The following TTYH2 variants were observed in gnomAD, a reference collection of about 807,000 sequenced individuals.
TTYH2 encodes the protein tweety family member 2.
In TTYH2, 49 loss-of-function variants were observed where a neutral mutation model predicts 68.3. The observed-to-expected ratio is 0.72, with a 90% CI of 0.57 to 0.91. The LOEUF (loss-of-function observed/expected upper bound fraction) is 0.91. TTYH2 is among the 40% of genes least tolerant of loss of function. The pLI is 0.00. For missense variants in TTYH2, 631 were observed against 700.4 expected, an observed-to-expected ratio of 0.90 and a Z score of 1.12; for synonymous variants, 272 against 300.8, an observed-to-expected ratio of 0.90 and a Z score of 0.99.
intron 13 of TTYH2, among the ~76,000 whole-genome samples, chr17:74,259,139 C>T (rs2050721958): frequency 6.6e-6 from 1 of 152,176 alleles, no homozygotes; most frequent in Non-Finnish European, 1.5e-5. Context: ...AACTTGAATG[C>T]ACACTGGAAT....
chr17:74,238,657 G>A (rs1448503651), intron 4 of TTYH2, among the ~76,000 whole-genome samples: 10 of 151,952 alleles, frequency 6.6e-5, no homozygotes, highest in African/African-American at 2.4e-4. Context: ...GCCTGAGGTC[G>A]GGAGTCCGAG....
chr17:74,235,955 A>T (rs1264565415), intron 3 of TTYH2, among the ~76,000 whole-genome samples: 4 of 151,970 alleles, frequency 2.6e-5, no homozygotes, highest in Non-Finnish European at 5.9e-5. Flanking sequence ...CTACTCTGGC[A>T]CACTGCCTAG....
intron 4 of TTYH2, among the ~76,000 whole-genome samples, chr17:74,237,890 C>T (rs2050460118): frequency 1.3e-5 from 2 of 152,228 alleles, no homozygotes; most frequent in Non-Finnish European, 1.5e-5. Context: ...GCCTCAGCCT[C>T]CCAAAGTGCT....
intron 11 of TTYH2, 110 bp from the exon 12 acceptor site, chr17:74,252,971 C>T (rs113363929): frequency 2.6e-5 from 30 of 1,155,894 alleles, no homozygotes; most frequent in Middle Eastern, 3.9e-4. Context: ...CAAGGAGACA[C>T]GCGTGGCCAG....
In TTYH2 at chr17:74,250,280, A is replaced by G. The variant is rs758260713; in HGVS notation, c.1039A>G (p.Ile347Val). The G allele has an allele frequency of 1.2e-6, 2 of 1,613,420 alleles. No individual in the cohort carries two copies. Among genetic ancestry groups the G allele is most frequent in the Non-Finnish European group, 1.7e-6 (2 of 1,179,696 alleles). The change falls in exon 10 of 14, where the codon ATC (isoleucine) becomes GTC (valine). Residue 347 changes from isoleucine (I) to valine (V), a missense_variant. By Grantham distance (29) the Ile-to-Val change is conservative. Transcript: ENST00000269346. Reference sequence around the variant, plus strand: ...CCCGCTTCAGGAAGACCTGCTTGCAATCCAGCTCCTGCTGAACTCCTCAGA... The same window carrying G: ...CCCGCTTCAGGAAGACCTGCTTGCAGTCCAGCTCCTGCTGAACTCCTCAGA... ...FSTAEEDLLA[I>V]QLLLNSSESS...
chr17:74,223,287 G>GGC (rs2050296697), intron 2 of TTYH2, among the ~76,000 whole-genome samples: 1 of 142,330 alleles, frequency 7.0e-6, no homozygotes, highest in African/African-American at 2.9e-5. Context: ...TTTTTTTTTG[G>GGC]GGGGCGGGGG....
At chr17:74,245,863 A>C (rs887336415) in intron 6 of TTYH2, among the ~76,000 whole-genome samples, 4 of 152,160 alleles carry the variant, frequency 2.6e-5, no homozygotes, top group African/African-American at 9.7e-5. Flanking sequence ...CCATGGGGCC[A>C]GAGGATTGAC....
intron 6 of TTYH2, among the ~76,000 whole-genome samples, chr17:74,245,953 G>C (rs2050553507): frequency 6.6e-6 from 1 of 152,152 alleles, no homozygotes; most frequent in Non-Finnish European, 1.5e-5. Flanking sequence ...CACTGCCCTG[G>C]AGATCTGCTC....
chr17:74,249,887 CTCCTGGGAGACGGAGCCTCACT>C, intron 8 of TTYH2, 27 bp from the exon 9 acceptor site: 1 of 1,470,792 alleles, frequency 6.8e-7, no homozygotes, highest in Non-Finnish European at 9.5e-7. Context: ...CACTGTGGGG[CTCCTGGGAGACGGAGCCTCACT>C]GTGGGGCTGT....
rs1359495353 is a variant in TTYH2, at chr17:74,253,274, C to CT, written c.1445+9dup. On this transcript the variant is annotated intron_variant, in intron 12 of 13. Coordinates refer to ENST00000269346, the MANE Select transcript of TTYH2 (RefSeq NM_032646.6). ...CCCTGTCTCCGAGTACATGTACGGCCTGCACACACACCCAGGCTGGGTAGC... is the reference window on the plus strand; with the variant it reads ...CCCTGTCTCCGAGTACATGTACGGCCTTGCACACACACCCAGGCTGGGTAGC... The CT allele has an allele frequency of 3.2e-6, 5 of 1,581,712 alleles. No homozygotes were observed. The African/African-American group carries it at 6.8e-5, about 21-fold the overall frequency.
intron 7 of TTYH2, 125 bp downstream of exon 7, chr17:74,249,205 A>C (rs2050592725): frequency 1.3e-6 from 2 of 1,560,232 alleles, no homozygotes; most frequent in South Asian, 2.2e-5. Context: ...AGTCCAGCTC[A>C]TGCTCTAGGC....
chr17:74,249,278 C>G, intron 7 of TTYH2, 66 bp from the exon 8 acceptor site: 1 of 1,607,580 alleles, frequency 6.2e-7, no homozygotes, highest in African/African-American at 1.3e-5. Context: ...GGCTTGGCCA[C>G]CAAGGATGAT....
At chr17:74,248,718 G>T (rs557553389) in intron 6 of TTYH2, 2 of 1,326,832 alleles carry the variant, frequency 1.5e-6, no homozygotes, top group South Asian at 3.7e-5. Context: ...AACAGCATGC[G>T]CTCTGCCCCA....
chr17:74,257,626 G>T (rs1170266335), intron 13 of TTYH2, among the ~76,000 whole-genome samples: 1 of 152,220 alleles, frequency 6.6e-6, no homozygotes, highest in Admixed American at 6.5e-5. Flanking sequence ...TATACAGCCT[G>T]TCCCTTGCTG....
chr17:74,239,913 T>C lies in TTYH2; in HGVS notation c.635+2399T>C, dbSNP rs1292801617. Among the ~76,000 whole-genome samples the C allele has an allele frequency of 3.3e-5, 5 of 152,208 alleles. No homozygotes were observed. Among genetic ancestry groups the C allele is most frequent in the African/African-American group, 4.8e-5 (2 of 41,446 alleles). On this transcript the variant is annotated intron_variant, in intron 4 of 13. Coordinates refer to ENST00000269346, the MANE Select transcript of TTYH2 (RefSeq NM_032646.6). This position sits in a 1 kb window ranked among gnomAD's most constrained non-coding sequence, Gnocchi z 5.3. ...GGCAGGGGCAGGACCCATTTTAACG[T>C]CACTCTTCTCTGAGCACACCTAGCA...
rs1266635383 is a variant in TTYH2, at chr17:74,253,122, A to G, written c.1301A>G (p.Asn434Ser). 1 of 1,613,284 alleles carries G rather than the reference A, an allele frequency of 6.2e-7. No homozygotes were observed. The change falls in exon 12 of 14, where the codon AAC becomes AGC. Residue 434 changes from asparagine to serine, a missense_variant. Physicochemically the swap from Asn to Ser is conservative, Grantham distance 46 (BLOSUM62 1). Coordinates refer to ENST00000269346, the MANE Select transcript of TTYH2 (RefSeq NM_032646.6). ...GACATTGATGATGATGACCCCTTTA[A>G]CCCCCAAGCCTGGCGCATGGCGGCT... is the stretch of plus-strand genomic sequence containing the variant. ...YDDIDDDDPF[N>S]PQAWRMAAHS...
At chr17:74,235,553 C>G (rs533076715) in intron 3 of TTYH2, among the ~76,000 whole-genome samples, 1 of 152,334 alleles carries the variant, frequency 6.6e-6, no homozygotes, top group South Asian at 2.1e-4. Flanking sequence ...CCTGCCTGTG[C>G]TCTTCAAAAG....
At chr17:74,228,326 C>T (rs902400835) in intron 2 of TTYH2, among the ~76,000 whole-genome samples, 2 of 152,102 alleles carry the variant, frequency 1.3e-5, no homozygotes, top group Non-Finnish European at 2.9e-5. Context: ...CGTCCTAGAT[C>T]CTGTGTTGTT....
At chr17:74,235,373 C>A (rs1380724758) in intron 3 of TTYH2, among the ~76,000 whole-genome samples, 2 of 152,206 alleles carry the variant, frequency 1.3e-5, no homozygotes, top group Non-Finnish European at 1.5e-5. Context: ...CACACTGCCC[C>A]ACTCCCGGCC....
Sources: allele counts gnomAD v4.1 joint callset (sites outside exome capture counted in the v4.1 genomes callset), GRCh38; gene constraint gnomAD v4.1.1; non-coding constraint Gnocchi (gnomAD v3.1); transcripts MANE v1.5; gene names NCBI Gene and HGNC (gene_info 2026-07-23, HGNC 2026-07-21).